Variants in DCHS2 observed in about 807,000 individuals in gnomAD.
The protein encoded by DCHS2 is dachsous cadherin-related 2, also known as protocadherin-23.
In DCHS2, 142 loss-of-function variants were observed where a neutral mutation model predicts 182.4. The ratio of observed to expected loss-of-function variants is 0.78; its 90% confidence interval spans 0.68 to 0.89. The LOEUF (loss-of-function observed/expected upper bound fraction) is 0.89, where lower values mean the gene tolerates loss of function less well. Among genes scored for constraint, DCHS2 ranks in the 40% least tolerant of loss-of-function variants. DCHS2 has a pLI of 0.00. For missense variants in DCHS2, 4,319 were observed against 4,198.6 expected (o/e 1.03, Z -0.79); for synonymous variants, 1,740 against 1,663.3 (o/e 1.05, Z -1.12).
At position 154,235,794 on chromosome 4, in the gene DCHS2, G is replaced by A; in HGVS notation, c.8858C>T (p.Thr2953Ile). The A allele has an allele frequency of 6.2e-7, 1 of 1,613,890 alleles. No homozygotes were observed. Among genetic ancestry groups the A allele is most frequent in the South Asian group, 1.1e-5 (1 of 91,040 alleles). The change falls in exon 20 of 20, where the codon ACC (threonine) becomes ATC (isoleucine). Residue 2953 changes from threonine to isoleucine, a missense_variant. By Grantham distance (89) the Thr-to-Ile change is moderately conservative (BLOSUM62 -1). Coordinates refer to ENST00000357232, the MANE Select transcript of DCHS2 (RefSeq NM_001358235.2). ...LIKSQLNKED[T>I]LEMKIIAHSP... ...ATGAGCGATTATTTTCATTTCCAAGGTGTCTTCTTTGTTGAGTTGACTTTT... is the reference window on the plus strand; with the variant it reads ...ATGAGCGATTATTTTCATTTCCAAGATGTCTTCTTTGTTGAGTTGACTTTT...
At chr4:154,456,136 A>G (rs1734756507) in intron 1 of DCHS2, among the ~76,000 whole-genome samples, 1 of 151,680 alleles carries the variant, frequency 6.6e-6, no homozygotes, top group East Asian at 1.9e-4. Context: ...GCTTCTATCT[A>G]GGCTTCTGTA....
intron 14 of DCHS2, among the ~76,000 whole-genome samples, chr4:154,268,079 C>T (rs988022521): frequency 2.0e-5 from 3 of 152,184 alleles, no homozygotes; most frequent in Non-Finnish European, 2.9e-5. Context: ...ACTTTTGCAT[C>T]GTGAGGTGCC....
intron 16 of DCHS2, among the ~76,000 whole-genome samples, chr4:154,248,279 G>A (rs953586527): frequency 6.6e-6 from 1 of 152,190 alleles, no homozygotes; most frequent in Non-Finnish European, 1.5e-5. Context: ...ATGAAAAACA[G>A]TGATATGAAT....
At chr4:154,420,344 T>C (rs945428089) in intron 1 of DCHS2, among the ~76,000 whole-genome samples, 3 of 152,096 alleles carry the variant, frequency 2.0e-5, no homozygotes, top group Non-Finnish European at 2.9e-5. Flanking sequence ...TGTGAGAGAA[T>C]TTATCACGGG....
intron 2 of DCHS2, among the ~76,000 whole-genome samples, chr4:154,375,865 T>C (rs554923913): frequency 6.6e-6 from 1 of 152,308 alleles, no homozygotes; most frequent in Admixed American, 6.5e-5. Context: ...AAAATTATTG[T>C]ATATTCACAT....
At chr4:154,344,150 CCAAA>C (rs770735107) in intron 3 of DCHS2, among the ~76,000 whole-genome samples, 1 of 151,918 alleles carries the variant, frequency 6.6e-6, no homozygotes, top group African/African-American at 2.4e-5. Context: ...TGTGGCATCC[CCAAA>C]CAATTACAAT....
chr4:154,470,010 C>T (rs1735394660), intron 1 of DCHS2, among the ~76,000 whole-genome samples: 1 of 152,120 alleles, frequency 6.6e-6, no homozygotes, highest in Admixed American at 6.5e-5. Flanking sequence ...TGTTGACTAC[C>T]ATCTTGTATC....
chr4:154,242,689 T>C lies in DCHS2; in HGVS notation c.7025A>G (p.Asp2342Gly), dbSNP rs760555946. Residue 2342 changes from aspartate (D) to glycine (G), a missense_variant, in exon 17 of 20, where the codon GAC becomes GGC. By Grantham distance (94) the Asp-to-Gly change is moderately conservative. Coordinates refer to ENST00000357232, the MANE Select transcript of DCHS2 (RefSeq NM_001358235.2). ...AGAGGGGAGAAAAGCTGGGGCATTG[T>C]CATTTATATCAGTCACCTGTACCTT... ...VIKVQVTDIN[D>G]NAPAFLPSEA... 6.2e-7 allele frequency: 1 copy of C among 1,613,148 alleles called. No individual in the cohort carries two copies. The highest frequency in any genetic ancestry group is 1.1e-5 in the South Asian group (1 of 90,992).
intron 3 of DCHS2, among the ~76,000 whole-genome samples, chr4:154,339,748 A>C (rs895045446): frequency 2.0e-5 from 3 of 152,190 alleles, no homozygotes; most frequent in Non-Finnish European, 4.4e-5. Flanking sequence ...CGCCCAGCCA[A>C]ACATTTTTAA....
At chr4:154,317,911 A>G (rs1735919754) in intron 9 of DCHS2, among the ~76,000 whole-genome samples, 1 of 152,190 alleles carries the variant, frequency 6.6e-6, no homozygotes, top group African/African-American at 2.4e-5. Flanking sequence ...TGTCCAAATG[A>G]ATTCAGCCAT....
Position 154,235,354 on chromosome 4 carries a change from C to CTCCT in DCHS2, c.9294_9297dup (p.Glu3100ArgfsTer7). 7.4e-6 allele frequency: 12 copies of CTCCT among 1,614,064 alleles called. No individual in the cohort carries two copies. The highest frequency in any genetic ancestry group is 1.0e-5 in the Non-Finnish European group (12 of 1,179,980). On this transcript the variant is annotated frameshift_variant, in exon 20 of 20. Transcript: ENST00000357232. LOFTEE classifies it low-confidence loss of function (END_TRUNC). ...TGGATTTCCTTATCTTCTGCAGTTT[C>CTCCT]TCCTTCCACAGAACAGTGGCCACTG...
At chr4:154,367,990 T>C (rs746058360) in intron 2 of DCHS2, among the ~76,000 whole-genome samples, 4 of 152,072 alleles carry the variant, frequency 2.6e-5, no homozygotes, top group Non-Finnish European at 4.4e-5. Context: ...GGGGAAATAA[T>C]TTAGAAATAG....
intron 16 of DCHS2, among the ~76,000 whole-genome samples, chr4:154,255,301 G>A (rs1425144225): frequency 2.0e-5 from 3 of 152,124 alleles, no homozygotes; most frequent in African/African-American, 7.2e-5. Context: ...GGACCTTAAA[G>A]TTTTGCTATT....
intron 4 of DCHS2, chr4:154,334,464 G>C (rs1728682347): frequency 6.2e-6 from 1 of 161,064 alleles, no homozygotes; most frequent in Admixed American, 6.0e-5. Flanking sequence ...AAACAGAATG[G>C]CATCCATTTA....
intron 3 of DCHS2, chr4:154,343,582 T>C (rs774395583): frequency 1.3e-6 from 2 of 1,533,562 alleles, no homozygotes; most frequent in South Asian, 1.2e-5. Flanking sequence ...CCCTTAAACC[T>C]CATGAACCAA....
At chr4:154,397,131 C>G (rs565480459) in intron 1 of DCHS2, among the ~76,000 whole-genome samples, 1 of 152,240 alleles carries the variant, frequency 6.6e-6, no homozygotes. Context: ...AAAAGGACAC[C>G]GCACTAATCT....
At chr4:154,382,813 G>A (rs1359757652) in intron 1 of DCHS2, among the ~76,000 whole-genome samples, 1 of 152,108 alleles carries the variant, frequency 6.6e-6, no homozygotes, top group South Asian at 2.1e-4. Flanking sequence ...TCTTGCACCA[G>A]TCAGAATAGC....
chr4:154,490,529 C>A lies in DCHS2; in HGVS notation c.827G>T (p.Arg276Leu). The A allele has an allele frequency of 6.5e-7, 1 of 1,536,660 alleles. No homozygotes were observed. The change falls in exon 1 of 20, where the codon CGC becomes CTC. Residue 276 changes from arginine (R) to leucine (L), a missense_variant. Coordinates refer to ENST00000357232, the MANE Select transcript of DCHS2 (RefSeq NM_001358235.2). ...CAGCTCCACGCTCAGGAGGCCGGTG[C>A]GCCGGGGTCGGCCGCCGTCCCATGC... ...IEAWDGGRPR[R>L]TGLLSVELRV... is the part of the protein sequence containing the mutation.
intron 1 of DCHS2, among the ~76,000 whole-genome samples, chr4:154,390,083 C>CT (rs905913677): frequency 1.4e-4 from 21 of 150,366 alleles, no homozygotes; most frequent in South Asian, 4.2e-4. Flanking sequence ...TGTTGATACT[C>CT]TTTTTTTTTA....
Sources: gnomAD v4.1 joint callset for allele counts (sites outside exome capture counted in the v4.1 genomes callset) on GRCh38, gnomAD v4.1.1 for gene constraint, MANE v1.5 for transcripts, NCBI Gene and HGNC (gene_info 2026-07-23, HGNC 2026-07-21) for gene names.